Variants in TAFA2 observed in about 807,000 individuals in gnomAD.
TAFA2 encodes the protein TAFA chemokine like family member 2.
TAFA2 carries 7 observed loss-of-function variants against 18.8 expected under a neutral mutation model. That is an observed-to-expected ratio of 0.37 (90% confidence interval 0.21 to 0.70). The LOEUF is 0.70. TAFA2 is among the 30% of genes least tolerant of loss of function. The pLI is 0.53. For synonymous variants in TAFA2, 60 were observed against 54.2 expected (o/e 1.11, Z -0.47); for missense variants, 122 against 158.1 (o/e 0.77, Z 1.23).
chr12:61,821,148 C>T (rs1872306477), intron 2 of TAFA2, among the ~76,000 whole-genome samples: 1 of 151,684 alleles, frequency 6.6e-6, no homozygotes, highest in Non-Finnish European at 1.5e-5. Flanking sequence ...CACACACACA[C>T]ACACACACAC....
rs12313793 is a variant in TAFA2, at chr12:62,255,222, G to T, written c.-130+3541C>A. ...TTGAAATGATTTTTAGCTTTCTAAA[G>T]TCCATCCATTATTATGAGGCTTAAG... On this transcript the variant is annotated intron_variant, in intron 1 of 5. Transcript: ENST00000551619. 9.4e-3 allele frequency: 1,425 copies of T among 152,198 alleles called. 26 individuals carry two copies. The highest frequency in any genetic ancestry group is 0.033 in the African/African-American group (1,359 of 41,542). The allele number at this position is 152,198 out of a possible 1,614,324, so 9.4% of individuals were successfully genotyped here.
At chr12:62,025,148 A>G (rs348695) in intron 1 of TAFA2, among the ~76,000 whole-genome samples, 33,679 of 152,054 alleles carry the variant, frequency 0.22, 3,858 homozygotes, top group East Asian at 0.27. Flanking sequence ...CACCAAAAAG[A>G]CACATATACT....
At chr12:61,852,427 C>T (rs1347740130) in intron 2 of TAFA2, among the ~76,000 whole-genome samples, 1 of 152,088 alleles carries the variant, frequency 6.6e-6, no homozygotes, top group Non-Finnish European at 1.5e-5. Context: ...GCTGAGAATG[C>T]TTTCTGAACC....
At chr12:61,879,316 C>T (rs910488122) in intron 1 of TAFA2, 10 of 513,210 alleles carry the variant, frequency 1.9e-5, no homozygotes, top group Admixed American at 3.0e-5. Context: ...CCTGCCTCCA[C>T]CATGTCCATC....
chr12:62,054,092 C>T (rs1882125021), intron 1 of TAFA2, among the ~76,000 whole-genome samples: 1 of 152,176 alleles, frequency 6.6e-6, no homozygotes, highest in Non-Finnish European at 1.5e-5. Flanking sequence ...ATACATGATA[C>T]AGCTGTGTAC....
At chr12:61,795,018 A>G (rs1312755804) in intron 2 of TAFA2, among the ~76,000 whole-genome samples, 2 of 152,164 alleles carry the variant, frequency 1.3e-5, no homozygotes, top group East Asian at 3.9e-4. Context: ...TGCAAATCAA[A>G]ACCACAATGA....
intron 4 of TAFA2, among the ~76,000 whole-genome samples, chr12:61,724,751 ATGTGTG>A (rs71083953): frequency 0.072 from 8,280 of 114,386 alleles, 365 homozygotes; most frequent in East Asian, 0.15. Context: ...TGGTATGTCT[ATGTGTG>A]TGTGTGTGTG....
rs185722354 is a variant in TAFA2 at position 61,783,403 on chromosome 12, G to A, written c.107-28379C>T. 2.0e-5 allele frequency among the ~76,000 whole-genome samples: 3 copies of A among 151,652 alleles called. No homozygotes were observed. In the East Asian group the frequency reaches 5.9e-4, roughly 30 times the overall value. On this transcript the variant is annotated intron_variant, in intron 2 of 4. Transcript: ENST00000416284. Reference sequence around the variant, plus strand: ...TCTGGTAATAAAATTAAGAGCTTATGACAATTTCTCTTCTTTACCACTCGT... The same window carrying A: ...TCTGGTAATAAAATTAAGAGCTTATAACAATTTCTCTTCTTTACCACTCGT...
chr12:62,250,138 T>C (rs1407608899), intron 1 of TAFA2, among the ~76,000 whole-genome samples: 2 of 152,226 alleles, frequency 1.3e-5, no homozygotes, highest in African/African-American at 4.8e-5. Flanking sequence ...ATCAATATGT[T>C]GTAAATTCAG....
chr12:61,955,471 G>A (rs936563255), intron 1 of TAFA2, among the ~76,000 whole-genome samples: 8 of 149,632 alleles, frequency 5.3e-5, no homozygotes, highest in Admixed American at 3.3e-4. Flanking sequence ...GCATGATGGC[G>A]TGCACCTGTA....
At chr12:62,099,595 T>C (rs1869099836) in intron 1 of TAFA2, among the ~76,000 whole-genome samples, 1 of 152,148 alleles carries the variant, frequency 6.6e-6, no homozygotes, top group Admixed American at 6.6e-5. Context: ...TAACTTCCAG[T>C]CGGAGAAATA....
chr12:62,044,361 G>C (rs1881851820), intron 1 of TAFA2, among the ~76,000 whole-genome samples: 1 of 152,026 alleles, frequency 6.6e-6, no homozygotes, highest in Admixed American at 6.6e-5. Context: ...TACAAAAAGT[G>C]GTGAGAGGAA....
chr12:62,173,706 T>C (rs1263209460), intron 1 of TAFA2, among the ~76,000 whole-genome samples: 1 of 152,202 alleles, frequency 6.6e-6, no homozygotes, highest in African/African-American at 2.4e-5. Flanking sequence ...CAATGAATGC[T>C]AAGTATCAAA....
chr12:61,831,269 T>C (rs969710977), intron 2 of TAFA2, among the ~76,000 whole-genome samples: 2 of 152,048 alleles, frequency 1.3e-5, no homozygotes, highest in African/African-American at 2.4e-5. Context: ...ATCTTTGAAA[T>C]TGCTGTCATT....
At chr12:62,048,514 A>C (rs1226942999) in intron 1 of TAFA2, among the ~76,000 whole-genome samples, 1 of 152,182 alleles carries the variant, frequency 6.6e-6, no homozygotes, top group African/African-American at 2.4e-5. Context: ...ATCAATACTC[A>C]TGGAATACTG....
chr12:62,123,308 C>T (rs990560560), intron 1 of TAFA2, among the ~76,000 whole-genome samples: 1 of 152,026 alleles, frequency 6.6e-6, no homozygotes, highest in Non-Finnish European at 1.5e-5. Flanking sequence ...TAAACATTCA[C>T]CTAAACTTAA....
chr12:61,936,644 C>T (rs1877781257), intron 1 of TAFA2, among the ~76,000 whole-genome samples: 1 of 151,942 alleles, frequency 6.6e-6, no homozygotes. Context: ...AAACCCTCAA[C>T]AAACTAGGCA....
At chr12:61,796,851 G>T (rs1230533433) in intron 2 of TAFA2, among the ~76,000 whole-genome samples, 2 of 152,002 alleles carry the variant, frequency 1.3e-5, no homozygotes, top group Non-Finnish European at 2.9e-5. Context: ...ATAAGAAATG[G>T]CATGGAGTCA....
intron 1 of TAFA2, among the ~76,000 whole-genome samples, chr12:62,211,483 A>C (rs1207724610): frequency 6.6e-6 from 1 of 151,722 alleles, no homozygotes; most frequent in East Asian, 1.9e-4. Flanking sequence ...GGGAGGCTGA[A>C]GCAGGAGAAC....
Sources: allele counts gnomAD v4.1 joint callset (sites outside exome capture counted in the v4.1 genomes callset), GRCh38; gene constraint gnomAD v4.1.1; transcripts MANE v1.5; gene names NCBI Gene and HGNC (gene_info 2026-07-23, HGNC 2026-07-21).